Variants in TRHDE observed in about 807,000 individuals in gnomAD.
The protein encoded by TRHDE is thyrotropin releasing hormone degrading enzyme.
TRHDE carries 72 observed loss-of-function variants against 125.7 expected under a neutral mutation model. The observed-to-expected ratio is 0.57, with a 90% CI of 0.47 to 0.70. TRHDE has a LOEUF of 0.70. Among genes scored for constraint, TRHDE ranks in the 30% least tolerant of loss-of-function variants. The pLI, the probability that TRHDE is intolerant of heterozygous loss-of-function variation, is 0.00. For synonymous variants in TRHDE, 509 were observed against 509.1 expected (o/e 1.00, Z 0.00); for missense variants, 1,110 against 1,327.1 (o/e 0.84, Z 2.54).
chr12:72,206,535 A>T (rs11179105), intron 2 of TRHDE, among the ~76,000 whole-genome samples: 20,498 of 152,176 alleles, frequency 0.13, 2,176 homozygotes, highest in African/African-American at 0.29. Flanking sequence ...ATATTTATAT[A>T]TAATTCCTGT....
chr12:72,474,495 T>G (rs1406500187), intron 5 of TRHDE, among the ~76,000 whole-genome samples: 1 of 152,140 alleles, frequency 6.6e-6, no homozygotes, highest in Non-Finnish European at 1.5e-5. Flanking sequence ...TTTGACTATT[T>G]TAGATTTCTT....
intron 2 of TRHDE, among the ~76,000 whole-genome samples, chr12:72,178,595 G>A (rs1347025758): frequency 6.6e-6 from 1 of 152,092 alleles, no homozygotes; most frequent in East Asian, 1.9e-4. Context: ...GGATGGAAAT[G>A]GAAGAACATC....
At chr12:72,537,044 G>A (rs1459396965) in intron 6 of TRHDE, among the ~76,000 whole-genome samples, 1 of 152,042 alleles carries the variant, frequency 6.6e-6, no homozygotes, top group African/African-American at 2.4e-5. Context: ...TATTGATTTT[G>A]GAGGTGGGTA....
intron 15 of TRHDE, among the ~76,000 whole-genome samples, chr12:72,628,240 A>C (rs1036863855): frequency 1.3e-5 from 2 of 151,842 alleles, no homozygotes; most frequent in African/African-American, 4.8e-5. Flanking sequence ...CTGTGATGAG[A>C]AGCCAGATGG....
intron 3 of TRHDE, among the ~76,000 whole-genome samples, chr12:72,423,798 T>G (rs1034484672): frequency 6.6e-6 from 1 of 151,740 alleles, no homozygotes; most frequent in Admixed American, 6.6e-5. Flanking sequence ...TCTTTAAAAG[T>G]GGAAGAGGAA....
chr12:72,561,344 T>C (rs1870167539), intron 7 of TRHDE, among the ~76,000 whole-genome samples: 3 of 152,162 alleles, frequency 2.0e-5, no homozygotes, highest in Non-Finnish European at 4.4e-5. Flanking sequence ...GTTGCAGAGA[T>C]AATGGAATTT....
intron 4 of TRHDE, among the ~76,000 whole-genome samples, chr12:72,471,625 A>G (rs1876654874): frequency 6.6e-6 from 1 of 152,180 alleles, no homozygotes. Flanking sequence ...CTGCCCACCT[A>G]TTTGTTGTCA....
chr12:72,190,728 T>C (rs1406716639), intron 2 of TRHDE, among the ~76,000 whole-genome samples: 1 of 152,220 alleles, frequency 6.6e-6, no homozygotes, highest in African/African-American at 2.4e-5. Context: ...ATATCTTTCC[T>C]GGCCACACCA....
chr12:72,173,156 C>G (rs1876913711), intron 2 of TRHDE, among the ~76,000 whole-genome samples: 1 of 152,056 alleles, frequency 6.6e-6, no homozygotes, highest in Non-Finnish European at 1.5e-5. Flanking sequence ...TAAAATAATG[C>G]CTTCAGATAT....
intron 2 of TRHDE, among the ~76,000 whole-genome samples, chr12:72,223,926 CTT>C (rs750916154): frequency 6.8e-6 from 1 of 147,160 alleles, no homozygotes. Flanking sequence ...ATTTTTCTTA[CTT>C]TTTTTTTTTC....
chr12:72,258,352 A>C (rs1022684611), intron 2 of TRHDE: 1 of 152,120 alleles, frequency 6.6e-6, no homozygotes, highest in Admixed American at 6.6e-5. Flanking sequence ...GAGTAGACAA[A>C]CCCCAAACAG....
At chr12:72,636,172 A>C (rs1453605140) in intron 15 of TRHDE, among the ~76,000 whole-genome samples, 1 of 152,010 alleles carries the variant, frequency 6.6e-6, no homozygotes, top group Non-Finnish European at 1.5e-5. Context: ...ATCCTCTTTT[A>C]TTTCATTGAG....
At chr12:72,146,902 A>T (rs923764821) in intron 2 of TRHDE, among the ~76,000 whole-genome samples, 13 of 152,216 alleles carry the variant, frequency 8.5e-5, no homozygotes, top group Non-Finnish European at 1.5e-5. Flanking sequence ...GGTGGCTCTC[A>T]GTGAGATGGA....
chr12:72,397,576 C>T (rs533496715), intron 3 of TRHDE, among the ~76,000 whole-genome samples: 22 of 152,306 alleles, frequency 1.4e-4, no homozygotes, highest in African/African-American at 5.3e-4. Context: ...CTTGTGCTCA[C>T]CCCTCCCTAT....
chr12:72,434,388 CAAAAAA>C (rs34254660), intron 3 of TRHDE, among the ~76,000 whole-genome samples: 17 of 81,964 alleles, frequency 2.1e-4, no homozygotes, highest in South Asian at 4.2e-4. Context: ...CTCTATGTCT[CAAAAAA>C]AAAAAAAAAA....
chr12:72,110,077 A>G (rs1421215847), intron 2 of TRHDE, among the ~76,000 whole-genome samples: 2 of 152,082 alleles, frequency 1.3e-5, no homozygotes, highest in East Asian at 3.9e-4. Context: ...AGTCTGTTGG[A>G]TACACTTTAA....
At chr12:72,521,186 T>G (rs751162839) in intron 6 of TRHDE, among the ~76,000 whole-genome samples, 1 of 152,222 alleles carries the variant, frequency 6.6e-6, no homozygotes, top group South Asian at 2.1e-4. Flanking sequence ...CTTCCCTTTT[T>G]GGAAATAACT....
upstream of TRHDE, among the ~76,000 whole-genome samples, chr12:72,270,842 A>G (rs1013464228): frequency 1.9e-4 from 29 of 152,332 alleles, no homozygotes; most frequent in African/African-American, 6.7e-4. Flanking sequence ...TTAAACTCCA[A>G]TATACTCAGA....
chr12:72,498,684 A>G (rs966169795), intron 5 of TRHDE, among the ~76,000 whole-genome samples: 1 of 152,178 alleles, frequency 6.6e-6, no homozygotes, highest in Non-Finnish European at 1.5e-5. Flanking sequence ...AACAAACCAA[A>G]AAACAAAAAC....
Sources: gnomAD v4.1 joint callset for allele counts (sites outside exome capture counted in the v4.1 genomes callset) on GRCh38, gnomAD v4.1.1 for gene constraint, MANE v1.5 for transcripts, NCBI Gene and HGNC (gene_info 2026-07-23, HGNC 2026-07-21) for gene names.